CCDC77: variants seen among roughly 807,000 people sequenced by gnomAD.
The protein encoded by CCDC77 is coiled-coil domain containing 77.
Under a neutral mutation model 66.8 loss-of-function variants are expected in CCDC77, and 56 were observed. The observed-to-expected ratio is 0.84, with a 90% confidence interval of 0.68 to 1.05. The LOEUF is 1.05. Among genes scored for constraint, CCDC77 ranks in the 50% least tolerant of loss-of-function variants. The pLI, the probability that CCDC77 is intolerant of heterozygous loss-of-function variation, is 0.00. For synonymous variants in CCDC77, 196 were observed against 195.2 expected (o/e 1.00, Z -0.03); for missense variants, 570 against 576.8 (o/e 0.99, Z 0.12).
intron 9 of CCDC77, among the ~76,000 whole-genome samples, chr12:435,643 A>C (rs2137614851): frequency 6.6e-6 from 1 of 152,228 alleles, no homozygotes; most frequent in East Asian, 1.9e-4. Context: ...GGAATGGTCC[A>C]TACTTATGCA....
At chr12:390,087 C>T (rs1269342573) in intron 1 of CCDC77, 1 of 129,848 alleles carries the variant, frequency 7.7e-6, no homozygotes, top group Admixed American at 9.4e-5. Context: ...TTCCTGGTTT[C>T]CATTAATGAC....
chr12:442,032 T>A lies in CCDC77; in HGVS notation c.*112T>A. ...ACCTGAGTTGACTAGAGTGGTGGTATTCATTATTGTAAAGACAGCTTGAAG... is the reference window on the plus strand; with the variant it reads ...ACCTGAGTTGACTAGAGTGGTGGTAATCATTATTGTAAAGACAGCTTGAAG... On this transcript the variant is annotated 3_prime_UTR_variant, in exon 13 of 13. Coordinates refer to ENST00000239830, the MANE Select transcript of CCDC77 (RefSeq NM_032358.4). The A allele has an allele frequency of 8.9e-7, 1 of 1,119,692 alleles. No homozygotes were observed. The allele number at this position is 1,119,692 out of a possible 1,614,324, so 69.4% of individuals were successfully genotyped here. A position where few individuals can be genotyped will look rare whatever the true frequency, so the allele number is the denominator to read the frequency against.
At chr12:412,991 T>C (rs1424920485) in intron 4 of CCDC77, among the ~76,000 whole-genome samples, 1 of 151,958 alleles carries the variant, frequency 6.6e-6, no homozygotes, top group Non-Finnish European at 1.5e-5. Flanking sequence ...CAGGCTGGAG[T>C]GCAGTGGCGC....
chr12:415,950 C>T (rs943836758), intron 4 of CCDC77, among the ~76,000 whole-genome samples: 23 of 151,616 alleles, frequency 1.5e-4, no homozygotes, highest in South Asian at 2.1e-4. Flanking sequence ...GGATTATAGG[C>T]GCCCACCACC....
chr12:406,453 G>A (rs540790628), intron 2 of CCDC77, among the ~76,000 whole-genome samples: 2 of 152,328 alleles, frequency 1.3e-5, no homozygotes, highest in African/African-American at 4.8e-5. Flanking sequence ...TTACCGCAGT[G>A]AACAAGGATA....
At chr12:410,267 G>GTTTTTTTT (rs5795915) in intron 3 of CCDC77, among the ~76,000 whole-genome samples, 1 of 148,704 alleles carries the variant, frequency 6.7e-6, no homozygotes, top group Non-Finnish European at 1.5e-5. Context: ...TACTATTTTT[G>GTTTTTTTT]TTTTTTTTTT....
chr12:414,421 C>T (rs995070286), intron 4 of CCDC77, among the ~76,000 whole-genome samples: 1 of 152,198 alleles, frequency 6.6e-6, no homozygotes, highest in Non-Finnish European at 1.5e-5. Context: ...TTCACAATTT[C>T]TATCTAACCT....
rs770767024 is a variant in CCDC77, at chr12:433,335, G to C, written c.821+13G>C. The C allele has an allele frequency of 2.0e-5, 33 of 1,613,584 alleles. No individual in the cohort carries two copies. In the East Asian group the frequency reaches 5.1e-4, roughly 25 times the overall value. On this transcript the variant is annotated intron_variant, in intron 9 of 12. Coordinates refer to ENST00000239830, the MANE Select transcript of CCDC77 (RefSeq NM_032358.4). ...AGCTAACCAAAAAGTGAGTGTCTAA[G>C]AAAGCTGTACCTAACGGGTATTGTA...
chr12:399,186 T>C (rs188600186), upstream of CCDC77, among the ~76,000 whole-genome samples: 2,342 of 152,234 alleles, frequency 0.015, 26 homozygotes, highest in Non-Finnish European at 0.025. Flanking sequence ...TTTTTTTTTT[T>C]TTGAGGCGGA....
At chr12:412,531 G>A (rs534524123) in intron 4 of CCDC77, among the ~76,000 whole-genome samples, 9 of 152,328 alleles carry the variant, frequency 5.9e-5, no homozygotes, top group East Asian at 1.9e-4. Flanking sequence ...TGTCCTGTGC[G>A]TGATGGGATG....
rs781370354 is a variant in CCDC77, at chr12:411,815, C to T, written c.107C>T (p.Ser36Leu). ...ACCAAGAGGAGGGGAATGGCAGATT[C>T]ACTGGAGTCAACCCCCTTGCCTTCC... The part of the protein sequence containing the change: ...GPTKRRGMAD[S>L]LESTPLPSPE... Residue 36 changes from serine to leucine, a missense_variant, in exon 4 of 13, where the codon TCA (serine) becomes TTA (leucine). By Grantham distance (145) the Ser-to-Leu change is moderately radical. Transcript: ENST00000239830. The T allele has an allele frequency of 1.9e-6, 3 of 1,614,072 alleles. No individual in the cohort carries two copies. The highest frequency in any genetic ancestry group is 2.5e-6 in the Non-Finnish European group (3 of 1,180,024).
chr12:418,354 A>G (rs1369920099), intron 4 of CCDC77, 140 bp from the exon 5 acceptor site: 6 of 736,596 alleles, frequency 8.1e-6, no homozygotes, highest in African/African-American at 1.8e-5. Flanking sequence ...ATACATGCCT[A>G]TTGCTGTCAT....
intron 5 of CCDC77, among the ~76,000 whole-genome samples, chr12:427,215 A>T (rs1451065651): frequency 2.0e-5 from 3 of 151,624 alleles, no homozygotes; most frequent in African/African-American, 7.3e-5. Flanking sequence ...ATTGCACTCC[A>T]GCCTGGGCGA....
At chr12:418,090 G>A (rs973722764) in intron 4 of CCDC77, among the ~76,000 whole-genome samples, 3 of 152,052 alleles carry the variant, frequency 2.0e-5, no homozygotes, top group East Asian at 1.9e-4. Context: ...AGACTGAGGC[G>A]GGTGGATCAC....
intron 1 of CCDC77, among the ~76,000 whole-genome samples, chr12:393,945 G>A (rs1193430881): frequency 2.6e-5 from 4 of 152,102 alleles, no homozygotes; most frequent in South Asian, 2.1e-4. Flanking sequence ...ATGTTGACAT[G>A]TATTATTATA....
At chr12:423,495 T>TTG (rs1565572267) in intron 5 of CCDC77, among the ~76,000 whole-genome samples, 19 of 31,410 alleles carry the variant, frequency 6.0e-4, no homozygotes, top group South Asian at 1.3e-3. Context: ...TTTTGTTTTG[T>TTG]TTTTTTTTTT....
chr12:428,510 C>CAAAAAAAAAAAAAAAA (rs59414510), intron 5 of CCDC77, among the ~76,000 whole-genome samples: 2 of 57,882 alleles, frequency 3.5e-5, no homozygotes, highest in African/African-American at 1.5e-4. Context: ...GACTCTGTCT[C>CAAAAAAAAAAAAAAAA]AAAAAAAAAA....
chr12:424,309 A>G (rs749369288), intron 5 of CCDC77, among the ~76,000 whole-genome samples: 3 of 151,864 alleles, frequency 2.0e-5, no homozygotes, highest in Non-Finnish European at 4.4e-5. Context: ...AACCTTTGTT[A>G]GATATACAGA....
At chr12:425,662 C>G (rs1452588199) in intron 5 of CCDC77, among the ~76,000 whole-genome samples, 1 of 151,970 alleles carries the variant, frequency 6.6e-6, no homozygotes, top group Non-Finnish European at 1.5e-5. Context: ...AGGGAATATC[C>G]TGGGATACCT....
Sources: allele counts gnomAD v4.1 joint callset (sites outside exome capture counted in the v4.1 genomes callset), GRCh38; gene constraint gnomAD v4.1.1; transcripts MANE v1.5; gene names NCBI Gene and HGNC (gene_info 2026-07-23, HGNC 2026-07-21).